ZBTB46: variants seen among roughly 807,000 people sequenced by gnomAD.
ZBTB46 encodes zinc finger and BTB domain containing 46, also known as zinc finger and BTB domain-containing protein 46.
A neutral mutation model predicts 44.1 loss-of-function variants in ZBTB46; 8 were observed. That is an observed-to-expected ratio of 0.18 (90% CI 0.11 to 0.33). The LOEUF is 0.33. Ranked by LOEUF, ZBTB46 falls within the 10% of genes least tolerant of loss-of-function variation. ZBTB46 has a pLI of 1.00. For missense variants in ZBTB46, 651 were observed against 847.7 expected, an observed-to-expected ratio of 0.77 and a Z score of 2.88; for synonymous variants, 409 against 382.3, an observed-to-expected ratio of 1.07 and a Z score of -0.81.
chr20:63,781,140 CAAAAAAA>C (rs58102231), intron 2 of ZBTB46, among the ~76,000 whole-genome samples: 1 of 83,934 alleles, frequency 1.2e-5, no homozygotes, highest in African/African-American at 5.4e-5. Context: ...GACTCTGCCT[CAAAAAAA>C]AAAAAAAAAA....
intron 1 of ZBTB46, among the ~76,000 whole-genome samples, chr20:63,827,901 T>A (rs1016011721): frequency 1.3e-4 from 20 of 152,182 alleles, no homozygotes; most frequent in Non-Finnish European, 2.1e-4. Context: ...CAGGACAATG[T>A]TTTATTTGTT....
intron 2 of ZBTB46, among the ~76,000 whole-genome samples, chr20:63,780,096 C>G (rs1358997318): frequency 6.6e-6 from 1 of 151,606 alleles, no homozygotes; most frequent in Non-Finnish European, 1.5e-5. Context: ...CCCGGTGAAA[C>G]CCCGTCTCTA....
chr20:63,760,660 G>A (rs996853705), intron 3 of ZBTB46, among the ~76,000 whole-genome samples: 2 of 152,110 alleles, frequency 1.3e-5, no homozygotes, highest in African/African-American at 4.8e-5. Context: ...GTTTCACCGT[G>A]TTAGCCAGGA....
intron 1 of ZBTB46, among the ~76,000 whole-genome samples, chr20:63,796,546 C>T (rs558651779): frequency 4.1e-4 from 62 of 152,358 alleles, no homozygotes; most frequent in African/African-American, 1.4e-3. Context: ...CTGCTTAAGG[C>T]CGAGTGCGGT....
At chr20:63,771,899 C>G (rs911474254) in intron 3 of ZBTB46, among the ~76,000 whole-genome samples, 7 of 152,008 alleles carry the variant, frequency 4.6e-5, no homozygotes, top group Non-Finnish European at 7.4e-5. Flanking sequence ...GTTCTACAGC[C>G]ACTCTGCTGG....
intron 2 of ZBTB46, among the ~76,000 whole-genome samples, chr20:63,785,335 C>T (rs1477935659): frequency 2.7e-5 from 4 of 150,530 alleles, no homozygotes; most frequent in South Asian, 4.2e-4. Context: ...CTGAGGCGGG[C>T]GGACCGCTTG....
chr20:63,757,364 C>A (rs879501296), intron 3 of ZBTB46, among the ~76,000 whole-genome samples: 2 of 152,146 alleles, frequency 1.3e-5, no homozygotes, highest in Admixed American at 6.5e-5. Flanking sequence ...CTCAGGTGAT[C>A]CACCCGCCTC....
intron 1 of ZBTB46, among the ~76,000 whole-genome samples, chr20:63,799,322 G>C (rs2092626396): frequency 6.7e-6 from 1 of 149,814 alleles, no homozygotes; most frequent in Non-Finnish European, 1.5e-5. Context: ...CTACAGGCGT[G>C]AGTCATCACG....
At position 63,747,266 on chromosome 20, in the gene ZBTB46, C is replaced by T. The variant is rs752026660; in HGVS notation, c.1434G>A (p.Val478=). The T allele has an allele frequency of 1.3e-4, 194 of 1,532,724 alleles. 1 individual carries two copies. Among genetic ancestry groups the T allele is most frequent in the Non-Finnish European group, 1.6e-4 (182 of 1,140,592 alleles). 94.9% of individuals were successfully genotyped at this position (1,532,724 alleles called of 1,614,324 possible). A position where few individuals can be genotyped will look rare whatever the true frequency, so the allele number is the denominator to read the frequency against. The change falls in exon 5 of 5, where the codon GTG becomes GTA. Residue 478 remains valine (V), a synonymous_variant. Coordinates refer to ENST00000245663, the MANE Select transcript of ZBTB46 (RefSeq NM_001369741.1). ...HSKDKKYVCK[V]CSRVFMSAAS... Reference sequence around the variant, plus strand: ...CGGCGGACATGAAGACGCGGCTGCACACCTTGCACACATACTTCTTGTCCT... The same window carrying T: ...CGGCGGACATGAAGACGCGGCTGCATACCTTGCACACATACTTCTTGTCCT...
At chr20:63,760,759 G>A (rs546779179) in intron 3 of ZBTB46, among the ~76,000 whole-genome samples, 1 of 137,728 alleles carries the variant, frequency 7.3e-6, no homozygotes, top group South Asian at 2.1e-4. Context: ...GCCAGGCCGA[G>A]TTATATCAGT....
chr20:63,745,014 G>A lies in ZBTB46; in HGVS notation c.*1916C>T, dbSNP rs1238017591. 6.6e-6 allele frequency: 1 copy of A among 152,384 alleles called. No homozygotes were observed. Among genetic ancestry groups the A allele is most frequent in the African/African-American group, 2.4e-5 (1 of 41,460 alleles). The allele number at this position is 152,384 out of a possible 1,614,324, so 9.4% of individuals were successfully genotyped here. On this transcript the variant is annotated 3_prime_UTR_variant, in exon 5 of 5. Coordinates refer to ENST00000245663, the MANE Select transcript of ZBTB46 (RefSeq NM_001369741.1). ...AAAAGGGTTTAAAAATCAGGGGAAA[G>A]GTACAAAGTTCTGAGAATTCTCAAA...
chr20:63,823,035 C>T (rs1015730162), intron 1 of ZBTB46, among the ~76,000 whole-genome samples: 15 of 151,730 alleles, frequency 9.9e-5, no homozygotes, highest in African/African-American at 1.2e-4. Flanking sequence ...CATGGTGGCG[C>T]GCACCTGTGA....
In ZBTB46 at chr20:63,744,158, CAT is replaced by C. The variant is rs1202225554; in HGVS notation, c.*2770_*2771del. The C allele has an allele frequency of 1.3e-5, 2 of 152,224 alleles. No homozygotes were observed. The highest frequency in any genetic ancestry group is 2.9e-5 in the Non-Finnish European group (2 of 68,040). The allele number at this position is 152,224 out of a possible 1,614,324, so 9.4% of individuals were successfully genotyped here. On this transcript the variant is annotated 3_prime_UTR_variant, in exon 5 of 5. Coordinates refer to ENST00000245663, the MANE Select transcript of ZBTB46 (RefSeq NM_001369741.1). ...AAGTATGGCTTTCTTAAGAGTCGCA[CAT>C]GTCACAGAATGAGCTAAAATAAGAT...
intron 3 of ZBTB46, among the ~76,000 whole-genome samples, chr20:63,762,864 CTTTT>C (rs1057199187): frequency 6.6e-6 from 1 of 151,950 alleles, no homozygotes; most frequent in East Asian, 1.9e-4. Flanking sequence ...TTTTTCTTTT[CTTTT>C]TTTCTTTTGT....
At chr20:63,800,258 G>A (rs994317858) in intron 1 of ZBTB46, among the ~76,000 whole-genome samples, 9 of 152,226 alleles carry the variant, frequency 5.9e-5, no homozygotes, top group South Asian at 2.1e-4. Flanking sequence ...CAAGGAAAGC[G>A]TGTGATTCCC....
chr20:63,771,395 G>A (rs1180825680), intron 3 of ZBTB46, among the ~76,000 whole-genome samples: 1 of 152,188 alleles, frequency 6.6e-6, no homozygotes, highest in Non-Finnish European at 1.5e-5. Context: ...AGGAGGGGAG[G>A]GAGAGAGGGG....
At chr20:63,810,088 G>C (rs925751469) in intron 1 of ZBTB46, among the ~76,000 whole-genome samples, 60 of 152,330 alleles carry the variant, frequency 3.9e-4, no homozygotes, top group African/African-American at 1.4e-3. Context: ...AGCCTGCAGC[G>C]TGGGGATGAG....
At position 63,753,952 on chromosome 20, in the gene ZBTB46, C is replaced by T. The variant is rs576693731; in HGVS notation, c.1223-1091G>A. Among the ~76,000 whole-genome samples, 6 of 152,324 alleles carry T rather than the reference C, an allele frequency of 3.9e-5. No individual in the cohort carries two copies. The East Asian group carries it at 7.7e-4, about 20-fold the overall frequency. Reference sequence around the variant, plus strand: ...GCACCTGCCCTCCTGACCAGCAGTCCCCACTTGCCCTGCAGGGAGGGTCTA... The same window carrying T: ...GCACCTGCCCTCCTGACCAGCAGTCTCCACTTGCCCTGCAGGGAGGGTCTA... On this transcript the variant is annotated intron_variant, in intron 3 of 4. Transcript: ENST00000245663.
chr20:63,792,853 C>A (rs2092572143), intron 1 of ZBTB46, among the ~76,000 whole-genome samples: 2 of 152,324 alleles, frequency 1.3e-5, no homozygotes, highest in African/African-American at 4.8e-5. Context: ...TTCTGTCTCA[C>A]ATTTCACAGG....
Sources: allele counts gnomAD v4.1 joint callset (sites outside exome capture counted in the v4.1 genomes callset), GRCh38; gene constraint gnomAD v4.1.1; transcripts MANE v1.5; gene names NCBI Gene and HGNC (gene_info 2026-07-23, HGNC 2026-07-21).